Variants in RFWD3 observed in about 807,000 individuals in gnomAD.
RFWD3 encodes the protein ring finger and WD repeat domain 3, also known as E3 ubiquitin-protein ligase RFWD3.
A neutral mutation model predicts 87.7 loss-of-function variants in RFWD3; 65 were observed. The ratio of observed to expected loss-of-function variants is 0.74; its 90% CI spans 0.61 to 0.91. The LOEUF (loss-of-function observed/expected upper bound fraction) is 0.91. Ranked by LOEUF, RFWD3 falls within the 40% of genes least tolerant of loss-of-function variation. The pLI, the probability that RFWD3 is intolerant of heterozygous loss-of-function variation, is 0.00. For synonymous variants in RFWD3, 433 were observed against 352.8 expected (o/e 1.23, Z -2.55); for missense variants, 1,078 against 938.5 (o/e 1.15, Z -1.94).
chr16:74,626,774 G>A (rs1244016118), intron 11 of RFWD3, among the ~76,000 whole-genome samples: 1 of 152,030 alleles, frequency 6.6e-6, no homozygotes, highest in Non-Finnish European at 1.5e-5. Context: ...CATAGGCTAG[G>A]AATCAAGTTA....
intron 1 of RFWD3, among the ~76,000 whole-genome samples, chr16:74,663,650 TAAGA>T (rs1961639839): frequency 6.6e-6 from 1 of 152,178 alleles, no homozygotes; most frequent in African/African-American, 2.4e-5. Flanking sequence ...GACATTTTTT[TAAGA>T]AAGGATAAAT....
intron 2 of RFWD3, among the ~76,000 whole-genome samples, chr16:74,658,766 A>AT (rs386364851): frequency 0.012 from 1,631 of 139,510 alleles, 16 homozygotes; most frequent in East Asian, 0.03. Flanking sequence ...AGATTCTATA[A>AT]TTTTTTTTTT....
chr16:74,622,137 A>C lies in RFWD3; in HGVS notation c.*1791T>G, dbSNP rs1958789612. Reference sequence around the variant, plus strand: ...CCCAGGCCCAAAGACAAAGCCAGCCAGGACCTGACCACCTGTATCCTCTTG... The same window carrying C: ...CCCAGGCCCAAAGACAAAGCCAGCCCGGACCTGACCACCTGTATCCTCTTG... On this transcript the variant is annotated 3_prime_UTR_variant, in exon 13 of 13. Coordinates refer to ENST00000361070, the MANE Select transcript of RFWD3 (RefSeq NM_018124.4). The C allele has an allele frequency of 6.6e-6, 1 of 152,202 alleles. No homozygotes were observed. Among genetic ancestry groups the C allele is most frequent in the Admixed American group, 6.5e-5 (1 of 15,272 alleles). 9.4% of individuals were successfully genotyped at this position (152,202 alleles called of 1,614,324 possible).
rs1486798748 is a variant in RFWD3 at position 74,623,037 on chromosome 16, T to C, written c.*891A>G. The C allele has an allele frequency of 6.6e-6, 1 of 152,218 alleles. No homozygotes were observed. Among genetic ancestry groups the C allele is most frequent in the Non-Finnish European group, 1.5e-5 (1 of 68,040 alleles). The allele number at this position is 152,218 out of a possible 1,614,324, so 9.4% of individuals were successfully genotyped here. ...TGTCTTTTCTCCTGATCTCTGACAC[T>C]AGGGGAGACTCAAGTAAAAGCTTTG... is the stretch of plus-strand genomic sequence containing the variant. On this transcript the variant is annotated 3_prime_UTR_variant, in exon 13 of 13. Transcript: ENST00000361070.
chr16:74,649,104 G>T (rs77457049), intron 4 of RFWD3, 28 bp downstream of exon 4: 32 of 1,452,944 alleles, frequency 2.2e-5, no homozygotes, highest in Non-Finnish European at 2.7e-5. Flanking sequence ...TAAATAAATA[G>T]ATTTTTTTAA....
chr16:74,658,860 T>A (rs1191104177), intron 2 of RFWD3, among the ~76,000 whole-genome samples: 2 of 151,714 alleles, frequency 1.3e-5, no homozygotes, highest in African/African-American at 4.8e-5. Context: ...CTCCGCCTCC[T>A]AGGTTCAAGG....
At chr16:74,648,675 G>A (rs1597443690) in intron 4 of RFWD3, among the ~76,000 whole-genome samples, 1 of 151,830 alleles carries the variant, frequency 6.6e-6, no homozygotes, top group East Asian at 2.0e-4. Context: ...GGGAGGCTGA[G>A]GTAGGAGAAT....
At chr16:74,666,094 G>A (rs1255434723) in intron 1 of RFWD3, among the ~76,000 whole-genome samples, 4 of 152,070 alleles carry the variant, frequency 2.6e-5, no homozygotes, top group Non-Finnish European at 5.9e-5. Context: ...GAGACGGGAG[G>A]GGAAGGGAGA....
chr16:74,634,438 G>A (rs1191723044), intron 8 of RFWD3, among the ~76,000 whole-genome samples: 1 of 151,964 alleles, frequency 6.6e-6, no homozygotes, highest in African/African-American at 2.4e-5. Context: ...ATGCTAAGGT[G>A]CAGTGGCACC....
At chr16:74,655,422 T>G (rs1248341569) in intron 2 of RFWD3, among the ~76,000 whole-genome samples, 1 of 150,948 alleles carries the variant, frequency 6.6e-6, no homozygotes, top group Non-Finnish European at 1.5e-5. Flanking sequence ...TTTTTTTTTG[T>G]ATTTTTAGTA....
chr16:74,633,369 A>G (rs1171200876), intron 8 of RFWD3, among the ~76,000 whole-genome samples: 1 of 151,974 alleles, frequency 6.6e-6, no homozygotes, highest in Non-Finnish European at 1.5e-5. Flanking sequence ...GAAAAAGTAT[A>G]ACCTACTCCA....
chr16:74,626,230 G>T, intron 12 of RFWD3, 113 bp downstream of exon 12: 2 of 906,534 alleles, frequency 2.2e-6, no homozygotes, highest in Non-Finnish European at 3.6e-6. Context: ...TTACAGAGCA[G>T]AACTTACACT....
intron 8 of RFWD3, among the ~76,000 whole-genome samples, chr16:74,635,979 T>C (rs1328904498): frequency 6.6e-6 from 1 of 152,212 alleles, no homozygotes; most frequent in Admixed American, 6.5e-5. Flanking sequence ...AAATATTAAA[T>C]TTTGTTTCAC....
chr16:74,643,166 A>G (rs1959803556), intron 6 of RFWD3, among the ~76,000 whole-genome samples: 2 of 152,144 alleles, frequency 1.3e-5, no homozygotes. Context: ...AAAATTTTAA[A>G]TACAGATAGG....
chr16:74,627,754 G>C (rs1182285984), intron 11 of RFWD3, among the ~76,000 whole-genome samples: 2 of 152,308 alleles, frequency 1.3e-5, no homozygotes, highest in Admixed American at 1.3e-4. Context: ...CAGGACAGAG[G>C]AGTATCCTGT....
At chr16:74,654,043 A>G (rs1960777563) in intron 2 of RFWD3, among the ~76,000 whole-genome samples, 1 of 152,152 alleles carries the variant, frequency 6.6e-6, no homozygotes, top group Non-Finnish European at 1.5e-5. Context: ...TTTTTAGCAT[A>G]ACCACAAGGT....
chr16:74,623,774 G>T lies in RFWD3; in HGVS notation c.*154C>A. 1 of 707,470 alleles carries T rather than the reference G, an allele frequency of 1.4e-6. No individual in the cohort carries two copies. The highest frequency in any genetic ancestry group is 1.8e-5 in the African/African-American group (1 of 56,158). 43.8% of individuals were successfully genotyped at this position (707,470 alleles called of 1,614,324 possible). A position where few individuals can be genotyped will look rare whatever the true frequency, so the allele number is the denominator to read the frequency against. On this transcript the variant is annotated 3_prime_UTR_variant, in exon 13 of 13. Transcript: ENST00000361070. ...CAGATACACAATCTGTAGTGTCTCAGTGACCTAGGGTCCTAGAATCATACT... is the reference window on the plus strand; with the variant it reads ...CAGATACACAATCTGTAGTGTCTCATTGACCTAGGGTCCTAGAATCATACT...
chr16:74,636,954 C>G (rs1054199347), intron 7 of RFWD3, among the ~76,000 whole-genome samples: 1 of 151,938 alleles, frequency 6.6e-6, no homozygotes, highest in South Asian at 2.1e-4. Context: ...CTCAGGTGAT[C>G]CACCCGCCTC....
At position 74,636,524 on chromosome 16, in the gene RFWD3, G is replaced by A. The variant is rs1470346798; in HGVS notation, c.1248C>T (p.Gly416=). 5.6e-6 allele frequency: 9 copies of A among 1,614,016 alleles called. No individual in the cohort carries two copies. The highest frequency in any genetic ancestry group is 7.6e-6 in the Non-Finnish European group (9 of 1,180,030). ...HQSQNLQQPR[G]SQAWVLSCSP... is the part of the protein sequence containing the mutation. ...AGCAGCTCAGGACCCATGCTTGGGA[G>A]CCCCTGGGTTGCTGTAAATTCTGAC... The change falls in exon 8 of 13, where the codon GGC becomes GGT. Residue 416 remains glycine, a synonymous_variant. Coordinates refer to ENST00000361070, the MANE Select transcript of RFWD3 (RefSeq NM_018124.4).
Sources: allele counts gnomAD v4.1 joint callset (sites outside exome capture counted in the v4.1 genomes callset), GRCh38; gene constraint gnomAD v4.1.1; transcripts MANE v1.5; gene names NCBI Gene and HGNC (gene_info 2026-07-23, HGNC 2026-07-21).